TMED10: variants seen among roughly 807,000 people sequenced by gnomAD.
TMED10 encodes the protein transmembrane emp24 domain-containing protein 10.
Under a neutral mutation model 23.1 loss-of-function variants are expected in TMED10, and 7 were observed. The ratio of observed to expected loss-of-function variants is 0.30; its 90% confidence interval spans 0.17 to 0.57. The LOEUF (loss-of-function observed/expected upper bound fraction) is 0.57. Among genes scored for constraint, TMED10 ranks in the 20% least tolerant of loss-of-function variants. The pLI is 0.91. For synonymous variants in TMED10, 113 were observed against 106.9 expected (o/e 1.06, Z -0.35); for missense variants, 162 against 274.8 (o/e 0.59, Z 2.90).
intron 1 of TMED10, among the ~76,000 whole-genome samples, chr14:75,152,511 AT>A (rs1448419367): frequency 6.6e-6 from 1 of 152,254 alleles, no homozygotes; most frequent in African/African-American, 2.4e-5. Flanking sequence ...GTAGACAATT[AT>A]CAAAAGATTA....
At chr14:75,138,441 G>A (rs1895780077) in intron 3 of TMED10, among the ~76,000 whole-genome samples, 1 of 152,166 alleles carries the variant, frequency 6.6e-6, no homozygotes, top group Admixed American at 6.5e-5. Flanking sequence ...TTAATGCACA[G>A]AGCTAACTTT....
intron 1 of TMED10, among the ~76,000 whole-genome samples, chr14:75,160,382 T>C (rs187884010): frequency 1.3e-5 from 2 of 152,072 alleles, no homozygotes; most frequent in South Asian, 2.1e-4. Context: ...CAAAGTCTAA[T>C]AGGCTAAAAA....
chr14:75,141,063 T>C (rs142961988), intron 3 of TMED10, among the ~76,000 whole-genome samples: 1 of 152,356 alleles, frequency 6.6e-6, no homozygotes, highest in East Asian at 1.9e-4. Context: ...TAAGTTATGA[T>C]CTTAAGCTCT....
intron 1 of TMED10, among the ~76,000 whole-genome samples, chr14:75,157,473 G>A (rs1034375272): frequency 6.6e-6 from 1 of 152,042 alleles, no homozygotes; most frequent in Non-Finnish European, 1.5e-5. Flanking sequence ...GCAATATAGT[G>A]GGATGCCGTC....
intron 1 of TMED10, among the ~76,000 whole-genome samples, chr14:75,158,024 T>C (rs937164768): frequency 2.0e-5 from 3 of 152,144 alleles, no homozygotes; most frequent in African/African-American, 7.2e-5. Flanking sequence ...CTGCATCCCA[T>C]GCTGCCTTCC....
intron 2 of TMED10, among the ~76,000 whole-genome samples, chr14:75,151,408 AG>A (rs1895954692): frequency 7.0e-6 from 1 of 142,112 alleles, no homozygotes; most frequent in African/African-American, 2.6e-5. Flanking sequence ...TAGTAGAGAC[AG>A]GGTTTCACCA....
intron 1 of TMED10, among the ~76,000 whole-genome samples, chr14:75,165,389 G>A (rs142393439): frequency 3.9e-5 from 6 of 152,072 alleles, no homozygotes; most frequent in Admixed American, 2.0e-4. Flanking sequence ...CACCATGCAC[G>A]GCTAATTTTT....
intron 1 of TMED10, among the ~76,000 whole-genome samples, chr14:75,168,394 A>ATAAT (rs1469197165): frequency 1.3e-5 from 2 of 152,220 alleles, no homozygotes; most frequent in Non-Finnish European, 2.9e-5. Flanking sequence ...CAAACTACTC[A>ATAAT]TAATTCCTCT....
At chr14:75,154,094 G>C (rs545764644) in intron 1 of TMED10, among the ~76,000 whole-genome samples, 1 of 149,740 alleles carries the variant, frequency 6.7e-6, no homozygotes, top group African/African-American at 2.4e-5. Context: ...ACATGTAGCC[G>C]GGCGTGGTAG....
chr14:75,149,651 G>A (rs753062952), intron 2 of TMED10, among the ~76,000 whole-genome samples: 90 of 152,344 alleles, frequency 5.9e-4, no homozygotes, highest in Non-Finnish European at 1.1e-3. Context: ...CCAATATGGA[G>A]CAAAGGGAAG....
intron 1 of TMED10, among the ~76,000 whole-genome samples, chr14:75,172,259 T>C (rs964163436): frequency 1.3e-5 from 2 of 151,984 alleles, no homozygotes; most frequent in African/African-American, 2.4e-5. Context: ...AAAGATATTT[T>C]TGAGACAAGT....
intron 1 of TMED10, among the ~76,000 whole-genome samples, chr14:75,154,401 CAAAAAAAAAAAAA>C (rs1166201835): frequency 8.5e-4 from 13 of 15,254 alleles, no homozygotes; most frequent in East Asian, 6.2e-3. Context: ...GACTCTGTCT[CAAAAAAAAAAAAA>C]AAAAAAAAAA....
intron 1 of TMED10, among the ~76,000 whole-genome samples, chr14:75,159,170 G>C (rs1896057576): frequency 6.6e-6 from 1 of 152,196 alleles, no homozygotes; most frequent in Non-Finnish European, 1.5e-5. Context: ...AGGAATAACA[G>C]ATTTTTCACA....
At chr14:75,160,761 G>A (rs988928876) in intron 1 of TMED10, among the ~76,000 whole-genome samples, 2 of 152,110 alleles carry the variant, frequency 1.3e-5, no homozygotes, top group East Asian at 1.9e-4. Context: ...TAAAAAGTAG[G>A]GGGGATGGGC....
chr14:75,172,330 C>CA (rs1896244441), intron 1 of TMED10, among the ~76,000 whole-genome samples: 2 of 149,768 alleles, frequency 1.3e-5, no homozygotes, highest in Admixed American at 1.3e-4. Flanking sequence ...TTTTTGGAGA[C>CA]AGAGTCTCAC....
At chr14:75,170,571 A>C (rs773822167) in intron 1 of TMED10, among the ~76,000 whole-genome samples, 2 of 152,190 alleles carry the variant, frequency 1.3e-5, no homozygotes, top group Non-Finnish European at 2.9e-5. Flanking sequence ...GGGCATAAAG[A>C]ATGGAAACAA....
chr14:75,164,565 ATATATATATATATTTTTTTTTTT>A (rs1566675249), intron 1 of TMED10, among the ~76,000 whole-genome samples: 4 of 2,334 alleles, frequency 1.7e-3, no homozygotes, highest in African/African-American at 4.4e-3. Flanking sequence ...ATATATATAT[ATATATATATATATTTTTTTTTTT>A]TTTTTTGTAT....
chr14:75,146,740 G>GCATCAAATTTCTATTATCAC (rs1300238563), intron 3 of TMED10, among the ~76,000 whole-genome samples: 3 of 152,036 alleles, frequency 2.0e-5, no homozygotes, highest in Admixed American at 6.6e-5. Context: ...CTTCTTATCA[G>GCATCAAATTTCTATTATCAC]CATCAAATTT....
intron 3 of TMED10, among the ~76,000 whole-genome samples, chr14:75,141,794 T>C (rs1280227698): frequency 6.6e-6 from 1 of 152,220 alleles, no homozygotes; most frequent in Non-Finnish European, 1.5e-5. Flanking sequence ...TCTATATAAG[T>C]TGTCCTGTTT....
Sources: gnomAD v4.1 joint callset for allele counts (sites outside exome capture counted in the v4.1 genomes callset) on GRCh38, gnomAD v4.1.1 for gene constraint, MANE v1.5 for transcripts, NCBI Gene and HGNC (gene_info 2026-07-23, HGNC 2026-07-21) for gene names.